The following SLC9A9 variants were observed in gnomAD, a reference collection of about 807,000 sequenced individuals.
The protein encoded by SLC9A9 is solute carrier family 9 member A9.
Under a neutral mutation model 77.8 loss-of-function variants are expected in SLC9A9, and 62 were observed. The observed-to-expected ratio is 0.80, with a 90% CI of 0.65 to 0.98. The LOEUF (loss-of-function observed/expected upper bound fraction) is 0.98, where lower values mean the gene tolerates loss of function less well. Ranked by LOEUF, SLC9A9 falls within the 50% of genes least tolerant of loss-of-function variation. The pLI is 0.00. For missense variants in SLC9A9, 775 were observed against 774.9 expected, an observed-to-expected ratio of 1.00 and a Z score of 0.00; for synonymous variants, 320 against 283.5, an observed-to-expected ratio of 1.13 and a Z score of -1.29.
intron 12 of SLC9A9, among the ~76,000 whole-genome samples, chr3:143,446,438 C>A (rs1053682161): frequency 2.0e-5 from 3 of 152,050 alleles, no homozygotes; most frequent in Admixed American, 6.6e-5. Flanking sequence ...AAAGTTGGAA[C>A]CTGTTGCTCA....
intron 14 of SLC9A9, among the ~76,000 whole-genome samples, chr3:143,334,096 A>C (rs2031856125): frequency 6.6e-6 from 1 of 152,234 alleles, no homozygotes; most frequent in Non-Finnish European, 1.5e-5. Context: ...AAACATTTGT[A>C]TATGCCAATC....
chr3:143,837,893 G>A (rs1047869072), intron 1 of SLC9A9, among the ~76,000 whole-genome samples: 16 of 152,198 alleles, frequency 1.1e-4, no homozygotes, highest in African/African-American at 3.9e-4. Flanking sequence ...CACTGGCATA[G>A]CCACTTCACT....
intron 4 of SLC9A9, among the ~76,000 whole-genome samples, chr3:143,760,614 C>T (rs1410976542): frequency 6.6e-6 from 1 of 152,050 alleles, no homozygotes; most frequent in Non-Finnish European, 1.5e-5. Flanking sequence ...CAATAAAATA[C>T]CTAGGAATCC....
intron 4 of SLC9A9, among the ~76,000 whole-genome samples, chr3:143,722,004 T>A (rs562084828): frequency 2.0e-5 from 3 of 152,044 alleles, no homozygotes; most frequent in Non-Finnish European, 4.4e-5. Flanking sequence ...CAAGAAAAAA[T>A]TTTAAAAGTA....
intron 9 of SLC9A9, among the ~76,000 whole-genome samples, chr3:143,539,384 C>T (rs763254901): frequency 2.0e-5 from 3 of 152,178 alleles, no homozygotes; most frequent in Admixed American, 6.6e-5. Flanking sequence ...AAAGACTTAA[C>T]GTTTTATTAA....
chr3:143,572,521 G>T (rs1030826361), intron 8 of SLC9A9, among the ~76,000 whole-genome samples: 21 of 152,274 alleles, frequency 1.4e-4, no homozygotes, highest in African/African-American at 4.6e-4. Flanking sequence ...TGATGTAAAT[G>T]ATTTGCCTAC....
intron 6 of SLC9A9, among the ~76,000 whole-genome samples, chr3:143,599,680 C>A (rs1418281122): frequency 1.3e-5 from 2 of 151,852 alleles, no homozygotes; most frequent in Non-Finnish European, 2.9e-5. Context: ...ATAAGGAATC[C>A]AAATTCCTTC....
chr3:143,310,011 T>C lies in SLC9A9; in HGVS notation c.1605-41031A>G, dbSNP rs150049711. ...AGTGATTTATTTTTTAATTTAAGTT[T>C]GCACTTTTCACATGAACTGGCTCAG... On this transcript the variant is annotated intron_variant, in intron 14 of 15. Transcript: ENST00000316549. Among the ~76,000 whole-genome samples the C allele has an allele frequency of 7.2e-5, 11 of 152,362 alleles. No individual in the cohort carries two copies. The East Asian group carries it at 2.1e-3, about 29-fold the overall frequency.
intron 14 of SLC9A9, among the ~76,000 whole-genome samples, chr3:143,353,953 A>G (rs969089913): frequency 6.6e-6 from 1 of 152,224 alleles, no homozygotes; most frequent in Non-Finnish European, 1.5e-5. Flanking sequence ...ACCTTTAGCC[A>G]TCCAAGTAAC....
chr3:143,525,232 A>G (rs868719324), intron 9 of SLC9A9, among the ~76,000 whole-genome samples: 1 of 152,204 alleles, frequency 6.6e-6, no homozygotes, highest in East Asian at 1.9e-4. Context: ...TTCTCTTTTT[A>G]AAATAAATTA....
In SLC9A9 at chr3:143,382,130, A is replaced by T. The variant is rs753414495; in HGVS notation, c.1470-16T>A. Reference sequence around the variant, plus strand: ...CACGCCAACTCTGTTAAACAAAACCAAAAACTGGTCAATCCCCTGCTGCAG... The same window carrying T: ...CACGCCAACTCTGTTAAACAAAACCTAAAACTGGTCAATCCCCTGCTGCAG... On this transcript the variant is annotated splice_polypyrimidine_tract_variant and intron_variant, in intron 12 of 15. Transcript: ENST00000316549. 6.2e-7 allele frequency: 1 copy of T among 1,613,970 alleles called. No homozygotes were observed. The highest frequency in any genetic ancestry group is 1.1e-5 in the South Asian group (1 of 91,082).
rs1177963679 is a variant in SLC9A9 at position 143,423,274 on chromosome 3, CACA to C, written c.1470-41163_1470-41161del. On this transcript the variant is annotated intron_variant, in intron 12 of 15. Coordinates refer to ENST00000316549, the MANE Select transcript of SLC9A9 (RefSeq NM_173653.4). Reference sequence around the variant, plus strand: ...ACACACACACACACACACACACACACACACACACACACACAGAGTTCCTAATTC... The same window carrying C: ...ACACACACACACACACACACACACACCACACACACACAGAGTTCCTAATTC... Among the ~76,000 whole-genome samples the C allele has an allele frequency of 7.3e-5, 11 of 151,042 alleles. No individual in the cohort carries two copies. In the South Asian group the frequency reaches 2.2e-3, roughly 30 times the overall value.
At chr3:143,357,245 T>TC (rs2032618485) in intron 14 of SLC9A9, among the ~76,000 whole-genome samples, 1 of 152,066 alleles carries the variant, frequency 6.6e-6, no homozygotes, top group Non-Finnish European at 1.5e-5. Flanking sequence ...GAAGAGTTCA[T>TC]CCCCCCATGA....
At chr3:143,630,626 C>A (rs2038408574) in intron 6 of SLC9A9, among the ~76,000 whole-genome samples, 1 of 152,022 alleles carries the variant, frequency 6.6e-6, no homozygotes, top group South Asian at 2.1e-4. Flanking sequence ...CTCTCAGACC[C>A]TGGATTGAGT....
chr3:143,481,912 C>T (rs1421908387), intron 11 of SLC9A9, among the ~76,000 whole-genome samples: 1 of 152,178 alleles, frequency 6.6e-6, no homozygotes, highest in South Asian at 2.1e-4. Flanking sequence ...TGGTTCTTCA[C>T]TTGAGTTCCA....
chr3:143,451,508 T>G (rs532733842), intron 12 of SLC9A9, among the ~76,000 whole-genome samples: 1 of 152,242 alleles, frequency 6.6e-6, no homozygotes, highest in Admixed American at 6.5e-5. Flanking sequence ...AGTAAAAGAC[T>G]GTAATATATT....
intron 6 of SLC9A9, among the ~76,000 whole-genome samples, chr3:143,640,740 T>C (rs2038607669): frequency 6.6e-6 from 1 of 152,094 alleles, no homozygotes; most frequent in South Asian, 2.1e-4. Flanking sequence ...TGGTCCCAGC[T>C]ACTCAGGAGG....
At chr3:143,807,991 G>A (rs1423136321) in intron 2 of SLC9A9, among the ~76,000 whole-genome samples, 1 of 152,234 alleles carries the variant, frequency 6.6e-6, no homozygotes, top group African/African-American at 2.4e-5. Flanking sequence ...CAGAATCCCG[G>A]TGAGAGAGGA....
chr3:143,728,325 A>G (rs1934714394), intron 4 of SLC9A9, among the ~76,000 whole-genome samples: 1 of 152,188 alleles, frequency 6.6e-6, no homozygotes, highest in Non-Finnish European at 1.5e-5. Context: ...AGCATCACTG[A>G]AGCTGCAATG....
Sources: allele counts gnomAD v4.1 joint callset (sites outside exome capture counted in the v4.1 genomes callset), GRCh38; gene constraint gnomAD v4.1.1; transcripts MANE v1.5; gene names NCBI Gene and HGNC (gene_info 2026-07-23, HGNC 2026-07-21).